Variants in UNC13C observed in about 807,000 individuals in gnomAD.
The protein encoded by UNC13C is protein unc-13 homolog C.
In UNC13C, 174 loss-of-function variants were observed where a neutral mutation model predicts 245.4. That is an observed-to-expected ratio of 0.71 (90% CI 0.63 to 0.80). The LOEUF (loss-of-function observed/expected upper bound fraction) is 0.80, where lower values mean the gene tolerates loss of function less well. Ranked by LOEUF, UNC13C falls within the 30% of genes least tolerant of loss-of-function variation. The pLI is 0.00. For missense variants in UNC13C, 2,829 were observed against 2,602.9 expected, an observed-to-expected ratio of 1.09 and a Z score of -1.89; for synonymous variants, 992 against 895.1, an observed-to-expected ratio of 1.11 and a Z score of -1.93.
At chr15:54,240,586 C>G (rs888394884) in intron 7 of UNC13C, among the ~76,000 whole-genome samples, 2 of 152,194 alleles carry the variant, frequency 1.3e-5, no homozygotes, top group African/African-American at 4.8e-5. Flanking sequence ...GGTCACCTAG[C>G]ACTGCCTCCT....
chr15:54,045,167 A>G (rs1307243958), intron 2 of UNC13C, among the ~76,000 whole-genome samples: 1 of 152,074 alleles, frequency 6.6e-6, no homozygotes, highest in African/African-American at 2.4e-5. Flanking sequence ...ATGAAGAGCT[A>G]TTTATATGTT....
At chr15:53,886,009 G>A in the UNC13C span, among the ~76,000 whole-genome samples, 1 of 152,134 alleles carries the variant, frequency 6.6e-6, no homozygotes, top group Non-Finnish European at 1.5e-5. Context: ...TGACTGTTGG[G>A]TTGGGAATTT....
chr15:54,619,656 T>A (rs1032207810), intron 30 of UNC13C, among the ~76,000 whole-genome samples: 6 of 152,292 alleles, frequency 3.9e-5, no homozygotes, highest in Middle Eastern at 3.4e-3. Context: ...TAATATACCA[T>A]GGTAACTGAA....
chr15:54,386,249 T>C lies in UNC13C; in HGVS notation c.4714-6799T>C, dbSNP rs1596312496. On this transcript the variant is annotated intron_variant, in intron 17 of 32. Coordinates refer to ENST00000260323, the MANE Select transcript of UNC13C (RefSeq NM_001080534.3). ...TTACTTATCTCTAAAATGATGATAA[T>C]GGTATTTGACTTTAGTATTTGGAAA... 2.0e-5 allele frequency among the ~76,000 whole-genome samples: 3 copies of C among 152,314 alleles called. No homozygotes were observed. In the East Asian group the frequency reaches 5.8e-4, roughly 29 times the overall value.
rs776777346 is a variant in UNC13C, at chr15:54,013,824, T to C, written c.921T>C (p.Asp307=). 5.0e-6 allele frequency: 8 copies of C among 1,612,382 alleles called. No individual in the cohort carries two copies. The East Asian group carries it at 1.6e-4, about 31-fold the overall frequency. The stretch of plus-strand genomic sequence containing the variant: ...GGAGGGAAACTAGAGACATCCATGA[T>C]TATATTAAGCACTTAGGTCATATGG... ...QSRRETRDIH[D]YIKHLGHMGS... is the part of the protein sequence containing the mutation. The change falls in exon 2 of 33, where the codon GAT becomes GAC. Residue 307 remains aspartate, a synonymous_variant. Coordinates refer to ENST00000260323, the MANE Select transcript of UNC13C (RefSeq NM_001080534.3).
At chr15:54,040,235 G>A (rs1384759664) in intron 2 of UNC13C, among the ~76,000 whole-genome samples, 1 of 152,108 alleles carries the variant, frequency 6.6e-6, no homozygotes, top group Non-Finnish European at 1.5e-5. Context: ...TATTTCAAAG[G>A]TGATGCCAAA....
intron 19 of UNC13C, among the ~76,000 whole-genome samples, chr15:54,435,692 C>T (rs2040969119): frequency 6.6e-6 from 1 of 151,604 alleles, no homozygotes; most frequent in African/African-American, 2.4e-5. Context: ...TGTAACAAAA[C>T]TGCACGTTAG....
At chr15:54,149,873 A>G (rs1473121920) in intron 4 of UNC13C, among the ~76,000 whole-genome samples, 1 of 152,232 alleles carries the variant, frequency 6.6e-6, no homozygotes, top group Non-Finnish European at 1.5e-5. Context: ...TAGCATTTAC[A>G]TTGTATTTGG....
At chr15:54,466,381 T>G (rs1892168446) in intron 19 of UNC13C, among the ~76,000 whole-genome samples, 1 of 151,988 alleles carries the variant, frequency 6.6e-6, no homozygotes, top group South Asian at 2.1e-4. Context: ...TATATTTCAA[T>G]TACCCTGATT....
chr15:54,539,778 A>C (rs1333648516), intron 26 of UNC13C, among the ~76,000 whole-genome samples: 1 of 152,054 alleles, frequency 6.6e-6, no homozygotes, highest in Non-Finnish European at 1.5e-5. Context: ...CTATTAGCTG[A>C]GTGACTTTGA....
At chr15:54,045,648 T>C (rs1030694539) in intron 2 of UNC13C, among the ~76,000 whole-genome samples, 5 of 152,212 alleles carry the variant, frequency 3.3e-5, no homozygotes, top group Non-Finnish European at 5.9e-5. Context: ...ACAACCTGAC[T>C]GCCTGGCTGA....
At chr15:54,082,167 A>G (rs1377395466) in intron 2 of UNC13C, among the ~76,000 whole-genome samples, 1 of 152,134 alleles carries the variant, frequency 6.6e-6, no homozygotes, top group African/African-American at 2.4e-5. Context: ...TTTCCTTTAT[A>G]GGTAATTTTG....
intron 2 of UNC13C, among the ~76,000 whole-genome samples, chr15:54,020,435 C>A (rs999023071): frequency 4.5e-5 from 6 of 133,768 alleles, no homozygotes; most frequent in African/African-American, 1.4e-4. Flanking sequence ...CCACCACGCC[C>A]AGCTAATTTT....
intron 4 of UNC13C, among the ~76,000 whole-genome samples, chr15:54,182,262 A>G (rs1014417422): frequency 9.2e-5 from 14 of 152,012 alleles, no homozygotes; most frequent in African/African-American, 3.4e-4. Flanking sequence ...GATTTTATTG[A>G]GAGCTTTTTT....
intron 4 of UNC13C, among the ~76,000 whole-genome samples, chr15:54,179,714 CCAAAT>C (rs1342376343): frequency 6.6e-6 from 1 of 151,896 alleles, no homozygotes; most frequent in Non-Finnish European, 1.5e-5. Context: ...TATTTAAAAA[CCAAAT>C]CAATATTTAA....
chr15:54,224,333 A>G (rs1185713208), intron 4 of UNC13C, among the ~76,000 whole-genome samples: 1 of 152,076 alleles, frequency 6.6e-6, no homozygotes, highest in Admixed American at 6.6e-5. Flanking sequence ...GAAGGCTTTT[A>G]TAGTGAAGGA....
chr15:54,132,074 C>CTTTTTTTTTCTTTTTCTTTTTCTTTT lies in UNC13C; in HGVS notation c.2984-10935_2984-10934insCTTTTTCTTTTTCTTTTTTTTTTTTT, dbSNP rs6145565. On this transcript the variant is annotated intron_variant, in intron 2 of 32. Transcript: ENST00000260323. ...ATTGCAATTCAGTTTTTTTCTTTTT[C>CTTTTTTTTTCTTTTTCTTTTTCTTTT]TTTTTTTTTTTTGACAGCGTCTTGC... Among the ~76,000 whole-genome samples the CTTTTTTTTTCTTTTTCTTTTTCTTTT allele has an allele frequency of 2.1e-3, 228 of 110,646 alleles. 15 individuals carry two copies. Among genetic ancestry groups the CTTTTTTTTTCTTTTTCTTTTTCTTTT allele is most frequent in the South Asian group, 9.5e-3 (35 of 3,696 alleles). The allele number at this position is 110,646 out of a possible 152,430, so 72.6% of individuals were successfully genotyped here.
At chr15:54,574,774 G>A (rs1897889811) in intron 30 of UNC13C, among the ~76,000 whole-genome samples, 1 of 152,112 alleles carries the variant, frequency 6.6e-6, no homozygotes, top group East Asian at 1.9e-4. Flanking sequence ...AATGAGTGAA[G>A]TCTTTGAGTC....
chr15:54,475,197 C>A (rs1235638246), intron 19 of UNC13C, among the ~76,000 whole-genome samples: 1 of 151,464 alleles, frequency 6.6e-6, no homozygotes, highest in Non-Finnish European at 1.5e-5. Context: ...AAGTGTTCAC[C>A]CTGTTTTTGT....
Sources: allele counts gnomAD v4.1 joint callset (sites outside exome capture counted in the v4.1 genomes callset), GRCh38; gene constraint gnomAD v4.1.1; transcripts MANE v1.5; gene names NCBI Gene and HGNC (gene_info 2026-07-23, HGNC 2026-07-21).